GTPBP4: variants seen among roughly 807,000 people sequenced by gnomAD.
GTPBP4 encodes the protein GTP binding protein 4.
A neutral mutation model predicts 81.7 loss-of-function variants in GTPBP4; 15 were observed. The observed-to-expected ratio is 0.18, with a 90% CI of 0.12 to 0.28. The LOEUF is 0.28. GTPBP4 is among the 10% of genes least tolerant of loss of function. The probability of loss-of-function intolerance (pLI) is 1.00; values close to 1 mark genes in which losing one functional copy is unlikely to be tolerated. For synonymous variants in GTPBP4, 272 were observed against 274.6 expected (o/e 0.99, Z 0.09); for missense variants, 847 against 793.8 (o/e 1.07, Z -0.81).
chr10:1,007,053 C>T lies in GTPBP4; in HGVS notation c.1038C>T (p.Thr346=), dbSNP rs1405039421. Residue 346 remains threonine, a synonymous_variant, in exon 10 of 17, where the codon ACC becomes ACT. Coordinates refer to ENST00000360803, the MANE Select transcript of GTPBP4 (RefSeq NM_012341.3). ...CDRLLAHRVE[T]KMKGNKVNEV... Reference sequence around the variant, plus strand: ...GGCTTTTGGCTCATCGAGTGGAAACCAAAATGAAGGGAAATAAAGTGAATG... The same window carrying T: ...GGCTTTTGGCTCATCGAGTGGAAACTAAAATGAAGGGAAATAAAGTGAATG... 1 of 1,613,164 alleles carries T rather than the reference C, an allele frequency of 6.2e-7. No homozygotes were observed. Among genetic ancestry groups the T allele is most frequent in the Admixed American group, 1.7e-5 (1 of 59,998 alleles).
chr10:992,028 A>T (rs2132154493), intron 1 of GTPBP4, among the ~76,000 whole-genome samples: 1 of 151,500 alleles, frequency 6.6e-6, no homozygotes, highest in South Asian at 2.1e-4. Flanking sequence ...GTGTTTCAAG[A>T]TGAACAAGGT....
At position 1,019,440 on chromosome 10, in the gene GTPBP4, A is replaced by C; in HGVS notation, c.*2213A>C. On this transcript the variant is annotated 3_prime_UTR_variant, in exon 17 of 17. Transcript: ENST00000360803. ...GCCCCTTTTGCCCTGTTTTTTGGAGAGGGTGTATCATTGCCTCAATGGTGC... is the reference window on the plus strand; with the variant it reads ...GCCCCTTTTGCCCTGTTTTTTGGAGCGGGTGTATCATTGCCTCAATGGTGC... The C allele has an allele frequency of 8.6e-7, 1 of 1,164,704 alleles. No homozygotes were observed. Among genetic ancestry groups the C allele is most frequent in the Non-Finnish European group, 1.2e-6 (1 of 835,438 alleles). The allele number at this position is 1,164,704 out of a possible 1,614,324, so 72.1% of individuals were successfully genotyped here.
chr10:1,001,057 T>G (rs766548501), intron 8 of GTPBP4, 44 bp downstream of exon 8: 1 of 1,364,902 alleles, frequency 7.3e-7, no homozygotes, highest in Non-Finnish European at 1.0e-6. Flanking sequence ...TTACCAATTC[T>G]GAATTCTCAT....
At chr10:988,561 G>A (rs1465527111) in intron 1 of GTPBP4, 34 bp downstream of exon 1, 1 of 1,556,464 alleles carries the variant, frequency 6.4e-7, no homozygotes, top group East Asian at 2.2e-5. Flanking sequence ...TGCAACTTTC[G>A]CGTTCTCCTC....
chr10:1,013,525 G>A (rs1200409714), intron 14 of GTPBP4, among the ~76,000 whole-genome samples: 1 of 152,038 alleles, frequency 6.6e-6, no homozygotes, highest in Non-Finnish European at 1.5e-5. Context: ...CAGGAAAATG[G>A]TGTGAACCCG....
chr10:994,555 G>A (rs1831505824), intron 2 of GTPBP4, among the ~76,000 whole-genome samples: 1 of 152,212 alleles, frequency 6.6e-6, no homozygotes, highest in Non-Finnish European at 1.5e-5. Context: ...ACAGACATAA[G>A]CCACAGTGCC....
chr10:1,004,814 G>A (rs12415759), intron 8 of GTPBP4, among the ~76,000 whole-genome samples: 76,174 of 151,980 alleles, frequency 0.5, 19,403 homozygotes, highest in South Asian at 0.6. Flanking sequence ...TAGTTTGGAG[G>A]CAGTTTAGCC....
Position 1,015,912 on chromosome 10 carries a change from G to A in GTPBP4, c.1752+16G>A, listed in dbSNP as rs183228605. 1,150 of 1,594,842 alleles carry A rather than the reference G, an allele frequency of 7.2e-4. 1 individual carries two copies. The highest frequency in any genetic ancestry group is 8.6e-4 in the Non-Finnish European group (1,004 of 1,167,606). On this transcript the variant is annotated intron_variant, in intron 16 of 16. Coordinates refer to ENST00000360803, the MANE Select transcript of GTPBP4 (RefSeq NM_012341.3). ...GGATGTCAAGGTCAGTCTCTGTGTT[G>A]TGTAATGTAATAAAATGACAGTCTC...
intron 8 of GTPBP4, 46 bp downstream of exon 8, chr10:1,001,059 A>G (rs1201566115): frequency 7.4e-7 from 1 of 1,353,920 alleles, no homozygotes; most frequent in African/African-American, 1.4e-5. Flanking sequence ...ACCAATTCTG[A>G]ATTCTCATCT....
At chr10:1,003,538 C>G (rs1831676190) in intron 8 of GTPBP4, among the ~76,000 whole-genome samples, 1 of 152,146 alleles carries the variant, frequency 6.6e-6, no homozygotes, top group South Asian at 2.1e-4. Context: ...ATACTTTCTT[C>G]TAGAGTGGCT....
chr10:1,011,809 C>T (rs537760096), intron 13 of GTPBP4, among the ~76,000 whole-genome samples: 6 of 152,314 alleles, frequency 3.9e-5, no homozygotes, highest in African/African-American at 7.2e-5. Context: ...CCGCGGTGGC[C>T]GCCTGCCTTC....
In GTPBP4 at chr10:1,019,320, T is replaced by G. The variant is rs2132180656; in HGVS notation, c.*2093T>G. On this transcript the variant is annotated 3_prime_UTR_variant, in exon 17 of 17. Transcript: ENST00000360803. ...AATTTCCTCCCTGCAACCAGGCAGA[T>G]GAGAAATATGGAAATAAGGAAAAGG... 5.6e-6 allele frequency: 3 copies of G among 540,156 alleles called. No homozygotes were observed. Among genetic ancestry groups the G allele is most frequent in the Non-Finnish European group, 6.5e-6 (2 of 306,640 alleles). The allele number at this position is 540,156 out of a possible 1,614,324, so 33.5% of individuals were successfully genotyped here. A position where few individuals can be genotyped will look rare whatever the true frequency, so the allele number is the denominator to read the frequency against.
chr10:1,013,195 G>C (rs563733344), intron 14 of GTPBP4, among the ~76,000 whole-genome samples: 1 of 152,030 alleles, frequency 6.6e-6, no homozygotes, highest in South Asian at 2.1e-4. Context: ...TGTTGGCCAG[G>C]CTGGTCTCAA....
At chr10:991,853 G>A (rs547051467) in intron 1 of GTPBP4, among the ~76,000 whole-genome samples, 2 of 148,780 alleles carry the variant, frequency 1.3e-5, no homozygotes, top group South Asian at 2.1e-4. Flanking sequence ...CCGCTACCAC[G>A]CCCGGCTAAT....
At position 999,085 on chromosome 10, in the gene GTPBP4, T is replaced by A. The variant is rs749865001; in HGVS notation, c.644T>A (p.Leu215Gln). 2 of 1,560,986 alleles carry A rather than the reference T, an allele frequency of 1.3e-6. No homozygotes were observed. Among genetic ancestry groups the A allele is most frequent in the Non-Finnish European group, 1.8e-6 (2 of 1,131,422 alleles). The change falls in exon 6 of 17, where the codon CTA (leucine) becomes CAA (glutamine). Residue 215 changes from leucine (L) to glutamine (Q), a missense_variant. Transcript: ENST00000360803. ...LFVGHMDYKY[L>Q]RWQVVDTPGI... ...GTTGGGCACATGGATTATAAGTATC[T>A]ACGTTGGCAGGTGAGAGTCTTGTCT...
chr10:1,012,381 G>A (rs1479012203), intron 13 of GTPBP4, 84 bp from the exon 14 acceptor site: 3 of 909,622 alleles, frequency 3.3e-6, no homozygotes, highest in Non-Finnish European at 5.0e-6. Flanking sequence ...GGGAAACAAA[G>A]CTCCCATACA....
intron 15 of GTPBP4, among the ~76,000 whole-genome samples, chr10:1,014,810 TG>T: frequency 6.6e-6 from 1 of 150,936 alleles, no homozygotes; most frequent in East Asian, 2.0e-4. Flanking sequence ...TCCCTGACCC[TG>T]GGTCTGGGTT....
intron 1 of GTPBP4, among the ~76,000 whole-genome samples, chr10:991,985 G>A (rs567752989): frequency 4.0e-5 from 6 of 150,184 alleles, no homozygotes; most frequent in South Asian, 2.1e-4. Context: ...GTGAGCCACC[G>A]CGCCCGGCCG....
chr10:992,104 T>A (rs1831455057), intron 1 of GTPBP4, among the ~76,000 whole-genome samples: 1 of 151,244 alleles, frequency 6.6e-6, no homozygotes. Context: ...TATTAGTGTT[T>A]TAAGAAGGTT....
Sources: allele counts gnomAD v4.1 joint callset (sites outside exome capture counted in the v4.1 genomes callset), GRCh38; gene constraint gnomAD v4.1.1; transcripts MANE v1.5; gene names NCBI Gene and HGNC (gene_info 2026-07-23, HGNC 2026-07-21).